Variants in VSTM2B observed in about 807,000 individuals in gnomAD.
VSTM2B encodes the protein V-set and transmembrane domain containing 2B.
A neutral mutation model predicts 24.0 loss-of-function variants in VSTM2B; 24 were observed. The ratio of observed to expected loss-of-function variants is 1.00; its 90% CI spans 0.72 to 1.40. The LOEUF (loss-of-function observed/expected upper bound fraction) is 1.40, where lower values mean the gene tolerates loss of function less well. VSTM2B is among the 40% of genes most tolerant of loss of function. VSTM2B has a pLI of 0.00. For missense variants in VSTM2B, 399 were observed against 416.4 expected (o/e 0.96, Z 0.36); for synonymous variants, 226 against 194.4 (o/e 1.16, Z -1.35).
intron 2 of VSTM2B, among the ~76,000 whole-genome samples, chr19:29,528,076 C>G (rs1326339554): frequency 2.6e-5 from 4 of 152,226 alleles, no homozygotes; most frequent in Non-Finnish European, 1.5e-5. Flanking sequence ...CAGTTCTTCA[C>G]GGCTCCCAGT....
chr19:29,530,365 G>A (rs1361482505), intron 4 of VSTM2B, 75 bp downstream of exon 4: 2 of 1,332,114 alleles, frequency 1.5e-6, no homozygotes, highest in East Asian at 3.1e-5. Context: ...GCCCCGGGGG[G>A]CTCCGGACCC....
chr19:29,561,818 G>A (rs1034815290), intron 4 of VSTM2B, among the ~76,000 whole-genome samples: 7 of 152,136 alleles, frequency 4.6e-5, no homozygotes, highest in African/African-American at 7.2e-5. Flanking sequence ...TCCGCCTGTC[G>A]TCCTTCCCAG....
intron 3 of VSTM2B, chr19:29,529,086 T>C: frequency 2.0e-6 from 2 of 985,404 alleles, no homozygotes; most frequent in Non-Finnish European, 2.4e-6. Flanking sequence ...CCTCGTGGGC[T>C]CGGTTCAGAG....
rs984926167 is a variant in VSTM2B, at chr19:29,530,133, C to T, written c.612C>T (p.Pro204=). The change falls in exon 4 of 5, where the codon CCC becomes CCT. Residue 204 remains proline, a synonymous_variant. Coordinates refer to ENST00000335523, the MANE Select transcript of VSTM2B (RefSeq NM_001146339.2). ...GCCGCGGCGACAAGAGCCCGCCGCC[C>T]GGGAGCCCTCCCGCCGCCATCGATC... ...EPGRGDKSPP[P]GSPPAAIDPA... is the part of the protein sequence containing the mutation. The T allele has an allele frequency of 2.1e-6, 3 of 1,458,598 alleles. No individual in the cohort carries two copies. The highest frequency in any genetic ancestry group is 1.5e-5 in the African/African-American group (1 of 67,606). The allele number at this position is 1,458,598 out of a possible 1,614,324, so 90.4% of individuals were successfully genotyped here. A position where few individuals can be genotyped will look rare whatever the true frequency, so the allele number is the denominator to read the frequency against.
intron 4 of VSTM2B, among the ~76,000 whole-genome samples, chr19:29,539,734 C>T (rs1473855624): frequency 6.6e-6 from 1 of 152,280 alleles, no homozygotes; most frequent in Non-Finnish European, 1.5e-5. Flanking sequence ...AAAGGTGCCA[C>T]TTGGCACCGA....
At chr19:29,551,636 A>T (rs1405518923) in intron 4 of VSTM2B, among the ~76,000 whole-genome samples, 2 of 152,164 alleles carry the variant, frequency 1.3e-5, no homozygotes, top group Non-Finnish European at 2.9e-5. Context: ...TGATTAGCAA[A>T]ATGATGATAC....
chr19:29,557,699 CAA>C (rs201120442), intron 4 of VSTM2B, among the ~76,000 whole-genome samples: 22 of 98,452 alleles, frequency 2.2e-4, no homozygotes, highest in Admixed American at 3.4e-4. Context: ...AACTCCATCT[CAA>C]AAAAAAAAAA....
In VSTM2B at chr19:29,564,050, C is replaced by A; in HGVS notation, c.*116C>A. The A allele has an allele frequency of 1.3e-6, 1 of 762,704 alleles. No homozygotes were observed. The highest frequency in any genetic ancestry group is 2.2e-6 in the Non-Finnish European group (1 of 463,652). The allele number at this position is 762,704 out of a possible 1,614,324, so 47.2% of individuals were successfully genotyped here. On this transcript the variant is annotated 3_prime_UTR_variant, in exon 5 of 5. Coordinates refer to ENST00000335523, the MANE Select transcript of VSTM2B (RefSeq NM_001146339.2). The stretch of plus-strand genomic sequence containing the variant: ...ACTGAGAGACGCATGAAAAAGTCCA[C>A]ATGGAAAATAAATAAATCATATTTT...
intron 4 of VSTM2B, among the ~76,000 whole-genome samples, chr19:29,550,950 G>A (rs1219826950): frequency 1.3e-5 from 2 of 152,212 alleles, no homozygotes; most frequent in Non-Finnish European, 2.9e-5. Context: ...CCCCAGTGGA[G>A]AGGGCTGCAG....
At chr19:29,532,070 T>A (rs1046311942) in intron 4 of VSTM2B, among the ~76,000 whole-genome samples, 1 of 152,240 alleles carries the variant, frequency 6.6e-6, no homozygotes, top group Non-Finnish European at 1.5e-5. Context: ...TGAATCAACT[T>A]GTTTCATATG....
At chr19:29,544,088 A>G (rs550424772) in intron 4 of VSTM2B, among the ~76,000 whole-genome samples, 1 of 151,764 alleles carries the variant, frequency 6.6e-6, no homozygotes, top group South Asian at 2.1e-4. Context: ...AGCAGTTTAT[A>G]TAGTTCTCCT....
At chr19:29,544,512 C>A (rs897793091) in intron 4 of VSTM2B, among the ~76,000 whole-genome samples, 1 of 99,092 alleles carries the variant, frequency 1.0e-5, no homozygotes. Flanking sequence ...GGCGAAAGAG[C>A]GAGACTCTGT....
chr19:29,527,181 T>C (rs1969599561), intron 1 of VSTM2B, 30 bp from the exon 2 acceptor site: 2 of 1,534,426 alleles, frequency 1.3e-6, no homozygotes, highest in South Asian at 1.2e-5. Context: ...CTACAGCTGG[T>C]CACGCCTCTC....
intron 4 of VSTM2B, 77 bp from the exon 5 acceptor site, chr19:29,563,769 C>T: frequency 1.5e-6 from 2 of 1,354,092 alleles, no homozygotes. Context: ...GGAAGCCTCA[C>T]TGTTCCTGGT....
At chr19:29,556,496 C>A (rs1568447516) in intron 4 of VSTM2B, among the ~76,000 whole-genome samples, 1 of 152,206 alleles carries the variant, frequency 6.6e-6, no homozygotes, top group Non-Finnish European at 1.5e-5. Flanking sequence ...CCCTCTCTCA[C>A]CACTCCTATT....
Position 29,526,427 on chromosome 19 carries a change from G to A in VSTM2B, c.-157G>A. The A allele has an allele frequency of 3.8e-6, 1 of 263,124 alleles. No homozygotes were observed. Among genetic ancestry groups the A allele is most frequent in the Non-Finnish European group, 6.8e-6 (1 of 146,276 alleles). The allele number at this position is 263,124 out of a possible 1,614,324, so 16.3% of individuals were successfully genotyped here. ...ACCGGGCAAGCCGGCGAGGGAGCGG[G>A]GCTGATTGGCGGCCGCCGGCGGCCA... On this transcript the variant is annotated 5_prime_UTR_variant, in exon 1 of 5. Transcript: ENST00000335523. The surrounding 1 kb of genome is among the most constrained non-coding windows in gnomAD (Gnocchi z 4.1).
chr19:29,537,868 A>G (rs1969930360), intron 4 of VSTM2B, among the ~76,000 whole-genome samples: 1 of 151,818 alleles, frequency 6.6e-6, no homozygotes, highest in South Asian at 2.1e-4. Context: ...AATGCCCGCT[A>G]GAGACCGAGG....
chr19:29,529,529 C>A (rs1295111889), intron 3 of VSTM2B, among the ~76,000 whole-genome samples: 1 of 152,164 alleles, frequency 6.6e-6, no homozygotes, highest in African/African-American at 2.4e-5. Context: ...TACGGGAAGA[C>A]AAGCAGTGTT....
intron 4 of VSTM2B, among the ~76,000 whole-genome samples, chr19:29,554,651 G>A (rs1233361593): frequency 1.3e-5 from 2 of 152,124 alleles, no homozygotes; most frequent in African/African-American, 4.8e-5. Context: ...AGGACCCATT[G>A]GTGTGCTGTA....
Sources: allele counts gnomAD v4.1 joint callset (sites outside exome capture counted in the v4.1 genomes callset), GRCh38; gene constraint gnomAD v4.1.1; non-coding constraint Gnocchi (gnomAD v3.1); transcripts MANE v1.5; gene names NCBI Gene and HGNC (gene_info 2026-07-23, HGNC 2026-07-21).